Variants in NHSL1 observed in about 807,000 individuals in gnomAD.
NHSL1 encodes the protein NHS-like protein 1.
NHSL1 carries 48 observed loss-of-function variants against 95.0 expected under a neutral mutation model. The ratio of observed to expected loss-of-function variants is 0.51; its 90% CI spans 0.40 to 0.64. NHSL1 has a LOEUF of 0.64. Among genes scored for constraint, NHSL1 ranks in the 30% least tolerant of loss-of-function variants. The pLI, the probability that NHSL1 is intolerant of heterozygous loss-of-function variation, is 0.00. For synonymous variants in NHSL1, 783 were observed against 833.9 expected (o/e 0.94, Z 1.05); for missense variants, 1,971 against 2,077.7 (o/e 0.95, Z 1.00).
chr6:138,450,665 C>T (rs1329771369), intron 3 of NHSL1, among the ~76,000 whole-genome samples: 1 of 152,202 alleles, frequency 6.6e-6, no homozygotes, highest in Non-Finnish European at 1.5e-5. Flanking sequence ...TGACAACTGA[C>T]AAAGAGAGTC....
chr6:138,677,886 G>A (rs746337308), intron 1 of NHSL1, among the ~76,000 whole-genome samples: 1 of 152,182 alleles, frequency 6.6e-6, no homozygotes, highest in Admixed American at 6.5e-5. Context: ...CCCAGGAGAT[G>A]CTTATGACGC....
chr6:138,518,268 G>T (rs1365670780), intron 1 of NHSL1, among the ~76,000 whole-genome samples: 1 of 152,134 alleles, frequency 6.6e-6, no homozygotes, highest in South Asian at 2.1e-4. Flanking sequence ...TGTATCAGTG[G>T]CCCACAAGAA....
At chr6:138,463,080 C>T (rs1047858201) in intron 3 of NHSL1, among the ~76,000 whole-genome samples, 17 of 152,274 alleles carry the variant, frequency 1.1e-4, no homozygotes, top group African/African-American at 3.6e-4. Context: ...ATAACTTAAG[C>T]GAATCCTGCA....
At chr6:138,583,240 A>G (rs1339949918) in intron 1 of NHSL1, among the ~76,000 whole-genome samples, 1 of 152,178 alleles carries the variant, frequency 6.6e-6, no homozygotes, top group African/African-American at 2.4e-5. Context: ...GCACAAGCTC[A>G]GCTGCAGAAG....
At chr6:138,639,636 C>T (rs1430535254) in intron 1 of NHSL1, among the ~76,000 whole-genome samples, 5 of 144,772 alleles carry the variant, frequency 3.5e-5, no homozygotes, top group East Asian at 2.0e-4. Flanking sequence ...AGTGAGACTC[C>T]GTCTCAAAAA....
chr6:138,517,982 C>T (rs961695888), intron 1 of NHSL1, among the ~76,000 whole-genome samples: 13 of 152,022 alleles, frequency 8.6e-5, no homozygotes, highest in Admixed American at 6.6e-4. Flanking sequence ...GGGAAGCGAA[C>T]GTTGTTAGTT....
chr6:138,510,729 A>G (rs941664904), intron 1 of NHSL1, among the ~76,000 whole-genome samples: 10 of 152,188 alleles, frequency 6.6e-5, no homozygotes, highest in African/African-American at 2.2e-4. Context: ...AATTTTTCAT[A>G]TTCGTTCACT....
intron 1 of NHSL1, among the ~76,000 whole-genome samples, chr6:138,685,421 G>C (rs1562412979): frequency 6.6e-6 from 1 of 152,144 alleles, no homozygotes; most frequent in Non-Finnish European, 1.5e-5. Flanking sequence ...TTAAAGCTGA[G>C]GAGGAAGCTA....
intron 1 of NHSL1, among the ~76,000 whole-genome samples, chr6:138,554,125 A>C (rs2128335357): frequency 6.6e-6 from 1 of 152,306 alleles, no homozygotes; most frequent in East Asian, 1.9e-4. Flanking sequence ...CTGGAGTCTA[A>C]ATTGTTTTCT....
At chr6:138,578,880 G>C (rs560235750) in intron 1 of NHSL1, among the ~76,000 whole-genome samples, 29 of 152,280 alleles carry the variant, frequency 1.9e-4, no homozygotes, top group Admixed American at 9.8e-4. Context: ...CTGAGGCCAG[G>C]AAGCTCATCT....
intron 1 of NHSL1, among the ~76,000 whole-genome samples, chr6:138,522,480 A>G (rs1053476331): frequency 1.5e-4 from 23 of 152,188 alleles, no homozygotes; most frequent in Non-Finnish European, 3.2e-4. Flanking sequence ...CATCTCTACT[A>G]AAAATACAAA....
At chr6:138,491,088 C>A (rs1373922486) in intron 2 of NHSL1, among the ~76,000 whole-genome samples, 1 of 152,170 alleles carries the variant, frequency 6.6e-6, no homozygotes, top group Non-Finnish European at 1.5e-5. Flanking sequence ...ATGACATAGG[C>A]CAGATTCAAC....
At chr6:138,612,598 A>G (rs1784528795) in intron 1 of NHSL1, among the ~76,000 whole-genome samples, 1 of 152,168 alleles carries the variant, frequency 6.6e-6, no homozygotes, top group East Asian at 1.9e-4. Context: ...AATACTGGTC[A>G]CCTCTGAGGA....
intron 1 of NHSL1, among the ~76,000 whole-genome samples, chr6:138,687,563 T>C (rs541284782): frequency 2.0e-5 from 3 of 152,358 alleles, no homozygotes; most frequent in African/African-American, 7.2e-5. Flanking sequence ...ACAATTATTA[T>C]GTATCAATTA....
In NHSL1 at chr6:138,426,940, A is replaced by T. The variant is rs1405406584; in HGVS notation, c.4086-2124T>A. ...TCTCGAAACTGTAGAGCTAGAAAAG[A>T]CGTTAGAAATGGTCTAGTCCAACCA... On this transcript the variant is annotated intron_variant, in intron 7 of 7. Transcript: ENST00000343505. 4.6e-5 allele frequency among the ~76,000 whole-genome samples: 7 copies of T among 152,224 alleles called. No individual in the cohort carries two copies. The East Asian group carries it at 1.3e-3, about 29-fold the overall frequency.
chr6:138,467,689 G>T (rs1414511288), intron 3 of NHSL1, among the ~76,000 whole-genome samples: 1 of 152,058 alleles, frequency 6.6e-6, no homozygotes, highest in Non-Finnish European at 1.5e-5. Context: ...TAATATGTGT[G>T]CTTGTGTCTT....
At chr6:138,479,150 T>A (rs188797880) in intron 2 of NHSL1, among the ~76,000 whole-genome samples, 2 of 152,308 alleles carry the variant, frequency 1.3e-5, no homozygotes, top group East Asian at 3.9e-4. Context: ...TTCCTAGACA[T>A]CTATACCTAT....
chr6:138,452,947 A>G (rs1345467343), intron 3 of NHSL1, among the ~76,000 whole-genome samples: 2 of 152,132 alleles, frequency 1.3e-5, no homozygotes, highest in Non-Finnish European at 1.5e-5. Flanking sequence ...TTCCACATCC[A>G]TATTATTAAG....
intron 1 of NHSL1, among the ~76,000 whole-genome samples, chr6:138,531,472 C>A (rs899014619): frequency 4.0e-5 from 6 of 150,924 alleles, no homozygotes; most frequent in African/African-American, 1.2e-4. Context: ...CATTTTGTTT[C>A]TGTTTTTCTT....
Sources: gnomAD v4.1 joint callset for allele counts (sites outside exome capture counted in the v4.1 genomes callset) on GRCh38, gnomAD v4.1.1 for gene constraint, MANE v1.5 for transcripts, NCBI Gene and HGNC (gene_info 2026-07-23, HGNC 2026-07-21) for gene names.